WWC1: variants seen among roughly 807,000 people sequenced by gnomAD.
The protein encoded by WWC1 is protein KIBRA.
WWC1 carries 55 observed loss-of-function variants against 138.4 expected under a neutral mutation model. The ratio of observed to expected loss-of-function variants is 0.40; its 90% CI spans 0.32 to 0.50. WWC1 has a LOEUF of 0.50. Among genes scored for constraint, WWC1 ranks in the 20% least tolerant of loss-of-function variants. The pLI is 0.72. For missense variants in WWC1, 1,226 were observed against 1,420.4 expected, an observed-to-expected ratio of 0.86 and a Z score of 2.20; for synonymous variants, 524 against 564.9, an observed-to-expected ratio of 0.93 and a Z score of 1.03.
At chr5:168,393,868 G>A (rs909955522) in intron 3 of WWC1, among the ~76,000 whole-genome samples, 2 of 152,180 alleles carry the variant, frequency 1.3e-5, no homozygotes, top group Non-Finnish European at 2.9e-5. Context: ...AGCAGAATGT[G>A]AGGTTGAATT....
intron 4 of WWC1, among the ~76,000 whole-genome samples, chr5:168,399,012 A>T (rs1779119880): frequency 6.6e-6 from 1 of 152,232 alleles, no homozygotes; most frequent in South Asian, 2.1e-4. Context: ...CTCCTAAGGC[A>T]TGTCTTGCCA....
At chr5:168,468,012 A>C (rs752734451) in intron 22 of WWC1, 48 bp downstream of exon 22, 1 of 1,610,646 alleles carries the variant, frequency 6.2e-7, no homozygotes, top group Non-Finnish European at 8.5e-7. Context: ...CAGCCAACCC[A>C]CGGCCTTAGT....
At chr5:168,329,949 A>G (rs1162305566) in intron 1 of WWC1, among the ~76,000 whole-genome samples, 2 of 152,120 alleles carry the variant, frequency 1.3e-5, no homozygotes, top group Non-Finnish European at 2.9e-5. Context: ...GTCTCTACTG[A>G]AAATACAAAA....
At chr5:168,364,127 G>T (rs1776104641) in intron 1 of WWC1, among the ~76,000 whole-genome samples, 1 of 151,756 alleles carries the variant, frequency 6.6e-6, no homozygotes, top group Non-Finnish European at 1.5e-5. Flanking sequence ...TATGAGAGTG[G>T]GCCTTCCTGT....
intron 3 of WWC1, among the ~76,000 whole-genome samples, chr5:168,391,476 C>A (rs1294768250): frequency 6.6e-6 from 1 of 151,780 alleles, no homozygotes; most frequent in East Asian, 1.9e-4. Flanking sequence ...CTGGCTAACA[C>A]AGTAAACTCC....
intron 17 of WWC1, among the ~76,000 whole-genome samples, chr5:168,450,309 A>G (rs1242413693): frequency 1.3e-5 from 2 of 152,142 alleles, no homozygotes. Flanking sequence ...CCTTCAGCAA[A>G]TGGTGTTGGA....
chr5:168,418,580 C>T (rs1184979526), intron 9 of WWC1, among the ~76,000 whole-genome samples: 1 of 152,134 alleles, frequency 6.6e-6, no homozygotes, highest in Non-Finnish European at 1.5e-5. Flanking sequence ...GAGGTGGCCT[C>T]GGCACCTGTG....
intron 15 of WWC1, among the ~76,000 whole-genome samples, chr5:168,432,047 C>T (rs1243569733): frequency 9.0e-6 from 1 of 111,402 alleles, no homozygotes; most frequent in South Asian, 2.9e-4. Flanking sequence ...AACCCTGTGT[C>T]AAAAAAAAAA....
At chr5:168,375,292 G>C (rs1777078816) in intron 2 of WWC1, among the ~76,000 whole-genome samples, 1 of 152,156 alleles carries the variant, frequency 6.6e-6, no homozygotes, top group African/African-American at 2.4e-5. Flanking sequence ...CTGAGAAAGA[G>C]TGATCAGAAA....
intron 13 of WWC1, among the ~76,000 whole-genome samples, 163 bp downstream of exon 13, chr5:168,428,950 C>T (rs903407451): frequency 6.6e-5 from 10 of 152,128 alleles, no homozygotes; most frequent in South Asian, 4.1e-4. Flanking sequence ...GATGCTGATT[C>T]GTTCCTCACC....
rs187225533 is a variant in WWC1 at position 168,455,531 on chromosome 5, G to T, written c.2823+11G>T. The T allele has an allele frequency of 1.2e-4, 187 of 1,611,250 alleles. No individual in the cohort carries two copies. The African/African-American group carries it at 2.0e-3, about 17-fold the overall frequency. ...CAGTACGTGTGCCGGGTAAGTGAGC[G>T]TGCGGCCCTCTTCTGCTCCCCTCAG... On this transcript the variant is annotated intron_variant, in intron 19 of 22. Transcript: ENST00000265293.
intron 5 of WWC1, among the ~76,000 whole-genome samples, chr5:168,400,755 A>G (rs1254953432): frequency 6.6e-6 from 1 of 150,818 alleles, no homozygotes; most frequent in Non-Finnish European, 1.5e-5. Context: ...TGGAGGTTGC[A>G]GTGAGCTGAT....
rs1309280400 is a variant in WWC1, at chr5:168,472,208, G to T, written c.*3191G>T. ...AGACCCTCTTCCAGCCATGGATGGAGTTGAATTCTCTATAAACGGTTCACC... is the reference window on the plus strand; with the variant it reads ...AGACCCTCTTCCAGCCATGGATGGATTTGAATTCTCTATAAACGGTTCACC... On this transcript the variant is annotated 3_prime_UTR_variant, in exon 23 of 23. Coordinates refer to ENST00000265293, the MANE Select transcript of WWC1 (RefSeq NM_015238.3). The T allele has an allele frequency of 1.3e-5, 2 of 152,248 alleles. No homozygotes were observed. The highest frequency in any genetic ancestry group is 2.9e-5 in the Non-Finnish European group (2 of 68,054). 9.4% of individuals were successfully genotyped at this position (152,248 alleles called of 1,614,324 possible).
At position 168,423,937 on chromosome 5, in the gene WWC1, C is replaced by A; in HGVS notation, c.1679C>A (p.Ala560Asp). The A allele has an allele frequency of 6.2e-7, 1 of 1,614,182 alleles. No individual in the cohort carries two copies. The highest frequency in any genetic ancestry group is 2.2e-5 in the East Asian group (1 of 44,872). Residue 560 changes from alanine to aspartate, a missense_variant, in exon 11 of 23, where the codon GCC becomes GAC. Physicochemically the swap from Ala to Asp is moderately radical, Grantham distance 126. This residue lies in a region of WWC1 where 1,016 missense variants were observed against 1,153.9 expected (regional missense o/e 0.88). Transcript: ENST00000265293. ...GCTGACCCCCTCCTGGCTGGTGATG[C>A]CTTCCTCAACTCCTTGGAGTTTGAA... ...LMADPLLAGD[A>D]FLNSLEFEDP... is the part of the protein sequence containing the mutation.
intron 9 of WWC1, among the ~76,000 whole-genome samples, chr5:168,418,440 C>T (rs1780828719): frequency 6.6e-6 from 1 of 152,180 alleles, no homozygotes; most frequent in Non-Finnish European, 1.5e-5. Context: ...TGAAATACAG[C>T]TTGTGGGGAC....
At chr5:168,383,182 CAA>C (rs67923145) in intron 2 of WWC1, among the ~76,000 whole-genome samples, 102 of 106,606 alleles carry the variant, frequency 9.6e-4, no homozygotes, top group African/African-American at 2.5e-3. Context: ...ATCTCAAAAA[CAA>C]AAAAAAAAAA....
At chr5:168,316,404 G>A (rs749235) in intron 1 of WWC1, among the ~76,000 whole-genome samples, 30,847 of 152,096 alleles carry the variant, frequency 0.2, 3,292 homozygotes, top group Admixed American at 0.29. Context: ...GGTGCCTCCT[G>A]GAAGCTGGCT....
intron 21 of WWC1, among the ~76,000 whole-genome samples, chr5:168,465,758 A>G (rs905515652): frequency 6.6e-6 from 1 of 151,804 alleles, no homozygotes; most frequent in African/African-American, 2.4e-5. Flanking sequence ...GGGTTTCACC[A>G]TGTTGCCCAG....
intron 20 of WWC1, among the ~76,000 whole-genome samples, chr5:168,464,315 G>A (rs867884347): frequency 3.3e-5 from 5 of 152,282 alleles, no homozygotes; most frequent in Middle Eastern, 3.4e-3. Context: ...AATTGAGAAC[G>A]TACATATGGA....
Sources: gnomAD v4.1 joint callset for allele counts (sites outside exome capture counted in the v4.1 genomes callset) on GRCh38, gnomAD v4.1.1 for gene constraint, gnomAD v4.1.1 regional missense constraint, MANE v1.5 for transcripts, NCBI Gene and HGNC (gene_info 2026-07-23, HGNC 2026-07-21) for gene names.